HIC1: variants seen among roughly 807,000 people sequenced by gnomAD.
HIC1 encodes the protein HIC ZBTB transcriptional repressor 1.
Under a neutral mutation model 26.4 loss-of-function variants are expected in HIC1, and 9 were observed. The ratio of observed to expected loss-of-function variants is 0.34; its 90% CI spans 0.21 to 0.59. The LOEUF (loss-of-function observed/expected upper bound fraction) is 0.59, where lower values mean the gene tolerates loss of function less well. Ranked by LOEUF, HIC1 falls within the 20% of genes least tolerant of loss-of-function variation. HIC1 has a pLI of 0.82. For missense variants in HIC1, 965 were observed against 1,075.7 expected, an observed-to-expected ratio of 0.90 and a Z score of 1.44; for synonymous variants, 631 against 523.1, an observed-to-expected ratio of 1.21 and a Z score of -2.81.
intron 1 of HIC1, chr17:2,056,211 C>G (rs1406255595): frequency 9.5e-7 from 1 of 1,055,270 alleles, no homozygotes; most frequent in South Asian, 1.3e-5. Context: ...CTCCCCTCCT[C>G]CGTATCACTT....
In HIC1 at chr17:2,061,545, T is replaced by G. The variant is rs1306699749; in HGVS notation, c.*2710T>G. The G allele has an allele frequency of 1.3e-6, 2 of 1,575,050 alleles. No individual in the cohort carries two copies. Among genetic ancestry groups the G allele is most frequent in the Admixed American group, 1.8e-5 (1 of 54,660 alleles). Reference sequence around the variant, plus strand: ...GCTGGGATGTCCCGTACAGGAACATTCCTTGTGAGCGCCTTCACACGCAGG... The same window carrying G: ...GCTGGGATGTCCCGTACAGGAACATGCCTTGTGAGCGCCTTCACACGCAGG... On this transcript the variant is annotated 3_prime_UTR_variant, in exon 2 of 2. Transcript: ENST00000619757.
chr17:2,057,769 G>C lies in HIC1; in HGVS notation c.1079G>C (p.Arg360Pro), dbSNP rs981547690. ...CCGCTCGGCCTGGCGCCGCCGCCGC[G>C]CTACCCTGGCAGCCTGGACGGGCCC... ...GPPLGLAPPP[R>P]YPGSLDGPGA... The change falls in exon 2 of 2, where the codon CGC becomes CCC. Residue 360 changes from arginine to proline, a missense_variant. Arg to Pro is a moderately radical substitution (Grantham distance 103). This residue lies in a region of HIC1 where 526 missense variants were observed against 525.0 expected (regional missense o/e 1.00). Transcript: ENST00000619757. 2.1e-6 allele frequency: 3 copies of C among 1,460,800 alleles called. No individual in the cohort carries two copies. The highest frequency in any genetic ancestry group is 2.7e-6 in the Non-Finnish European group (3 of 1,114,414). 90.5% of individuals were successfully genotyped at this position (1,460,800 alleles called of 1,614,324 possible).
At chr17:2,056,382 G>A (rs1462468387) in intron 1 of HIC1, 1 of 1,604,396 alleles carries the variant, frequency 6.2e-7, no homozygotes, top group Admixed American at 1.7e-5. Context: ...CGCCTGAACA[G>A]TTTTCTTCTC....
chr17:2,058,180 A>G lies in HIC1; in HGVS notation c.1490A>G (p.Tyr497Cys). Residue 497 changes from tyrosine (Y) to cysteine (C), a missense_variant, in exon 2 of 2, where the codon TAC becomes TGC. Tyr to Cys is a radical substitution (Grantham distance 194, BLOSUM62 -2). Around this residue, in one of 6 missense-constraint regions of HIC1, gnomAD observed 105 missense variants for 101.4 expected, o/e 1.04. Transcript: ENST00000619757. Reference protein sequence around the residue: ...PYRCASCDKSYKDPATLRQHE... With the variant: ...PYRCASCDKSCKDPATLRQHE... The stretch of plus-strand genomic sequence containing the variant: ...CGCTGCGCGTCGTGCGACAAGAGCT[A>G]CAAGGACCCGGCCACGCTGCGGCAG... 4 of 1,610,924 alleles carry G rather than the reference A, an allele frequency of 2.5e-6. No homozygotes were observed. Among genetic ancestry groups the G allele is most frequent in the Non-Finnish European group, 3.4e-6 (4 of 1,179,768 alleles).
At position 2,061,304 on chromosome 17, in the gene HIC1, C is replaced by T. The variant is rs571264366; in HGVS notation, c.*2469C>T. The T allele has an allele frequency of 2.8e-5, 17 of 610,236 alleles. No homozygotes were observed. Among genetic ancestry groups the T allele is most frequent in the Admixed American group, 9.3e-5 (3 of 32,360 alleles). The allele number at this position is 610,236 out of a possible 1,614,324, so 37.8% of individuals were successfully genotyped here. On this transcript the variant is annotated 3_prime_UTR_variant, in exon 2 of 2. Transcript: ENST00000619757. ...CAGGAGGGTCCCAGCAGCTTCCGCC[C>T]GATCCTTGGGAGGGGCTCTGTGAGG...
In HIC1 at chr17:2,057,478, C is replaced by G; in HGVS notation, c.788C>G (p.Pro263Arg). The G allele has an allele frequency of 6.8e-7, 1 of 1,479,112 alleles. No individual in the cohort carries two copies. The highest frequency in any genetic ancestry group is 8.9e-7 in the Non-Finnish European group (1 of 1,121,740). The allele number at this position is 1,479,112 out of a possible 1,614,324, so 91.6% of individuals were successfully genotyped here. Residue 263 changes from proline (P) to arginine (R), a missense_variant, in exon 2 of 2, where the codon CCG becomes CGG. Around this residue, in one of 6 missense-constraint regions of HIC1, gnomAD observed 526 missense variants for 525.0 expected, o/e 1.00. Transcript: ENST00000619757. ...GCCGGCCCCGCCGCCTACAAGGAGC[C>G]GCCTCTCGCCCTGCCGTCGCTGCCG... The part of the protein sequence containing the change: ...PSAGPAAYKE[P>R]PLALPSLPPL...
Position 2,058,914 on chromosome 17 carries a change from G to C in HIC1, c.*79G>C. On this transcript the variant is annotated 3_prime_UTR_variant, in exon 2 of 2. Transcript: ENST00000619757. ...CAGGGAGCGGCGGGGGCGGCGCGCA[G>C]GGCCCACTGTGCCCGGGACAACCGC... 8.1e-7 allele frequency: 1 copy of C among 1,241,710 alleles called. No homozygotes were observed. Among genetic ancestry groups the C allele is most frequent in the Non-Finnish European group, 1.1e-6 (1 of 950,410 alleles). The allele number at this position is 1,241,710 out of a possible 1,614,324, so 76.9% of individuals were successfully genotyped here. A position where few individuals can be genotyped will look rare whatever the true frequency, so the allele number is the denominator to read the frequency against.
chr17:2,061,257 TC>T lies in HIC1; in HGVS notation c.*2425del, dbSNP rs1236765218. 1 of 461,324 alleles carries T rather than the reference TC, an allele frequency of 2.2e-6. No homozygotes were observed. Among genetic ancestry groups the T allele is most frequent in the African/African-American group, 2.0e-5 (1 of 50,298 alleles). 28.6% of individuals were successfully genotyped at this position (461,324 alleles called of 1,614,324 possible). ...GCTGCTGTTGCTGTAGCCAGCCACC[TC>T]CCTGCTAAATCCTGGCAGCCCAGGA... is the stretch of plus-strand genomic sequence containing the variant. On this transcript the variant is annotated 3_prime_UTR_variant, in exon 2 of 2. Coordinates refer to ENST00000619757, the MANE Select transcript of HIC1 (RefSeq NM_006497.4).
Position 2,058,540 on chromosome 17 carries a change from G to T in HIC1, c.1850G>T (p.Gly617Val). ...TTGGGGGGGCTCCCCGGCGTCCCCG[G>T]CCCCGACGGCAAGGGCAAGCTCGAC... Reference protein sequence around the residue: ...AGLGGLPGVPGPDGKGKLDFP... With the variant: ...AGLGGLPGVPVPDGKGKLDFP... Residue 617 changes from glycine to valine, a missense_variant, in exon 2 of 2, where the codon GGC (glycine) becomes GTC (valine). By Grantham distance (109) the Gly-to-Val change is moderately radical (BLOSUM62 -3). Coordinates refer to ENST00000619757, the MANE Select transcript of HIC1 (RefSeq NM_006497.4). The T allele has an allele frequency of 6.6e-7, 1 of 1,517,882 alleles. No individual in the cohort carries two copies. The highest frequency in any genetic ancestry group is 2.2e-5 in the Admixed American group (1 of 44,922). The allele number at this position is 1,517,882 out of a possible 1,614,324, so 94.0% of individuals were successfully genotyped here.
Position 2,056,243 on chromosome 17 carries a change from C to T in HIC1, c.-20-428C>T, listed in dbSNP as rs926419018. Reference sequence around the variant, plus strand: ...ACTTCCCCCAACTGGGGCAACTTCTCCCGAGGCGGGAGGCGCTGGTTCCTC... The same window carrying T: ...ACTTCCCCCAACTGGGGCAACTTCTTCCGAGGCGGGAGGCGCTGGTTCCTC... On this transcript the variant is annotated intron_variant, in intron 1 of 1. Coordinates refer to ENST00000619757, the MANE Select transcript of HIC1 (RefSeq NM_006497.4). 6 of 1,403,300 alleles carry T rather than the reference C, an allele frequency of 4.3e-6. No individual in the cohort carries two copies. In the African/African-American group the frequency reaches 7.1e-5, roughly 17 times the overall value. The allele number at this position is 1,403,300 out of a possible 1,614,324, so 86.9% of individuals were successfully genotyped here.
chr17:2,060,454 G>GT lies in HIC1; in HGVS notation c.*1620dup, dbSNP rs1488790130. ...GTTTCTCCCAGCACAGGAGCCGAGG[G>GT]TGGAAGGCCCTGGGTGGGAGACCTG... On this transcript the variant is annotated 3_prime_UTR_variant, in exon 2 of 2. Transcript: ENST00000619757. 6.6e-6 allele frequency: 1 copy of GT among 152,308 alleles called. No individual in the cohort carries two copies. The highest frequency in any genetic ancestry group is 2.4e-5 in the African/African-American group (1 of 41,464). The allele number at this position is 152,308 out of a possible 1,614,324, so 9.4% of individuals were successfully genotyped here.
Position 2,058,384 on chromosome 17 carries a change from T to C in HIC1, c.1694T>C (p.Ile565Thr). Residue 565 changes from isoleucine (I) to threonine (T), a missense_variant, in exon 2 of 2, where the codon ATC (isoleucine) becomes ACC (threonine). This residue lies in a region of HIC1 where 45 missense variants were observed against 119.9 expected (regional missense o/e 0.38). Transcript: ENST00000619757. ...TACCGCCTCACGGAGCACATGCGCATCCACTCGGGCGAGAAGCCCTACGAG... is the reference window on the plus strand; with the variant it reads ...TACCGCCTCACGGAGCACATGCGCACCCACTCGGGCGAGAAGCCCTACGAG... ...RQYRLTEHMR[I>T]HSGEKPYECQ... The C allele has an allele frequency of 6.2e-7, 1 of 1,610,920 alleles. No homozygotes were observed. The highest frequency in any genetic ancestry group is 8.5e-7 in the Non-Finnish European group (1 of 1,179,098).
rs914612904 is a variant in HIC1, at chr17:2,061,708, T to C, written c.*2873T>C. ...CTTCTCACCCTGGAGAATGTGGTCCTGGGGAGGGGGTGCCACGCTAGCCGT... is the reference window on the plus strand; with the variant it reads ...CTTCTCACCCTGGAGAATGTGGTCCCGGGGAGGGGGTGCCACGCTAGCCGT... On this transcript the variant is annotated 3_prime_UTR_variant, in exon 2 of 2. Transcript: ENST00000619757. The C allele has an allele frequency of 2.8e-6, 4 of 1,447,922 alleles. No homozygotes were observed. Among genetic ancestry groups the C allele is most frequent in the Non-Finnish European group, 3.7e-6 (4 of 1,067,732 alleles). 89.7% of individuals were successfully genotyped at this position (1,447,922 alleles called of 1,614,324 possible). A position where few individuals can be genotyped will look rare whatever the true frequency, so the allele number is the denominator to read the frequency against.
Position 2,057,693 on chromosome 17 carries a change from G to C in HIC1, c.1003G>C (p.Glu335Gln), listed in dbSNP as rs767823724. Residue 335 changes from glutamate (E) to glutamine (Q), a missense_variant, in exon 2 of 2, where the codon GAG (glutamate) becomes CAG (glutamine). Physicochemically the swap from Glu to Gln is conservative, Grantham distance 29. Around this residue, in one of 6 missense-constraint regions of HIC1, gnomAD observed 526 missense variants for 525.0 expected, o/e 1.00. Coordinates refer to ENST00000619757, the MANE Select transcript of HIC1 (RefSeq NM_006497.4). ...GGGCCGGGAGCGCGGCTCCCCCAGC[G>C]AGCGCTGCGAAGAGCGTGGTGGGGA... The part of the protein sequence containing the change: ...ELGRERGSPS[E>Q]RCEERGGDAA... The C allele has an allele frequency of 1.1e-4, 169 of 1,486,332 alleles. No homozygotes were observed. Among genetic ancestry groups the C allele is most frequent in the Middle Eastern group, 1.8e-4 (1 of 5,506 alleles). 92.1% of individuals were successfully genotyped at this position (1,486,332 alleles called of 1,614,324 possible). A position where few individuals can be genotyped will look rare whatever the true frequency, so the allele number is the denominator to read the frequency against.
rs2151368814 is a variant in HIC1, at chr17:2,057,145, A to G, written c.455A>G (p.Tyr152Cys). The G allele has an allele frequency of 2.3e-6, 3 of 1,313,808 alleles. No individual in the cohort carries two copies. Among genetic ancestry groups the G allele is most frequent in the Non-Finnish European group, 2.9e-6 (3 of 1,040,500 alleles). The allele number at this position is 1,313,808 out of a possible 1,614,324, so 81.4% of individuals were successfully genotyped here. ...GGCGGCGGCGGCGGCTACGCGCCCT[A>G]TGGTCGGCCGGGCCGGGGCCTGCGG... ...GGGGGGGYAP[Y>C]GRPGRGLRAA... The change falls in exon 2 of 2, where the codon TAT becomes TGT. Residue 152 changes from tyrosine to cysteine, a missense_variant. Around this residue, in one of 6 missense-constraint regions of HIC1, gnomAD observed 526 missense variants for 525.0 expected, o/e 1.00. Coordinates refer to ENST00000619757, the MANE Select transcript of HIC1 (RefSeq NM_006497.4).
At position 2,061,506 on chromosome 17, in the gene HIC1, C is replaced by A; in HGVS notation, c.*2671C>A. On this transcript the variant is annotated 3_prime_UTR_variant, in exon 2 of 2. Transcript: ENST00000619757. ...GTGTGGCTCCCTCAGCCCACCTGGG[C>A]CCACGTGAGGAAGGCTGGGATGTCC... 6.4e-7 allele frequency: 1 copy of A among 1,573,042 alleles called. No individual in the cohort carries two copies. Among genetic ancestry groups the A allele is most frequent in the Non-Finnish European group, 8.6e-7 (1 of 1,160,268 alleles).
rs2067696392 is a variant in HIC1 at position 2,058,434 on chromosome 17, G to A, written c.1744G>A (p.Ala582Thr). Residue 582 changes from alanine (A) to threonine (T), a missense_variant, in exon 2 of 2, where the codon GCA (alanine) becomes ACA (threonine). Coordinates refer to ENST00000619757, the MANE Select transcript of HIC1 (RefSeq NM_006497.4). ...GTGCCAGGTGTGCGGCGGCAAGTTC[G>A]CACAGCAACGCAACCTCATCAGCCA... ...YECQVCGGKFAQQRNLISHMK... is the reference protein window; with the variant it reads ...YECQVCGGKFTQQRNLISHMK... The A allele has an allele frequency of 6.2e-7, 1 of 1,603,356 alleles. No individual in the cohort carries two copies. Among genetic ancestry groups the A allele is most frequent in the Non-Finnish European group, 8.5e-7 (1 of 1,175,050 alleles).
chr17:2,057,460 C>T lies in HIC1; in HGVS notation c.770C>T (p.Pro257Leu). 6.8e-7 allele frequency: 1 copy of T among 1,468,844 alleles called. No homozygotes were observed. Among genetic ancestry groups the T allele is most frequent in the South Asian group, 1.3e-5 (1 of 77,832 alleles). The allele number at this position is 1,468,844 out of a possible 1,614,324, so 91.0% of individuals were successfully genotyped here. The change falls in exon 2 of 2, where the codon CCC becomes CTC. Residue 257 changes from proline to leucine, a missense_variant. Coordinates refer to ENST00000619757, the MANE Select transcript of HIC1 (RefSeq NM_006497.4). ...CCGGACAGCCCTCCCAGCGCCGGCC[C>T]CGCCGCCTACAAGGAGCCGCCTCTC... ...PRPDSPPSAG[P>L]AAYKEPPLAL...
At position 2,058,262 on chromosome 17, in the gene HIC1, G is replaced by A. The variant is rs1263168216; in HGVS notation, c.1572G>A (p.Lys524=). Residue 524 remains lysine (K), a synonymous_variant, in exon 2 of 2, where the codon AAG becomes AAA. Transcript: ENST00000619757. ...ACCCATGCACCATCTGCGGGAAGAA[G>A]TTCACGCAGCGTGGGACCATGACGC... ...RPYPCTICGK[K]FTQRGTMTRH... 13 of 1,611,122 alleles carry A rather than the reference G, an allele frequency of 8.1e-6. No homozygotes were observed. The highest frequency in any genetic ancestry group is 1.0e-5 in the Non-Finnish European group (12 of 1,179,534).
Sources: allele counts gnomAD v4.1 joint callset, GRCh38; gene constraint gnomAD v4.1.1; regional missense constraint gnomAD v4.1.1; transcripts MANE v1.5; gene names NCBI Gene and HGNC (gene_info 2026-07-23, HGNC 2026-07-21).